IFT140: variants seen among roughly 807,000 people sequenced by gnomAD.
IFT140 encodes intraflagellar transport protein 140 homolog.
Under a neutral mutation model 164.6 loss-of-function variants are expected in IFT140, and 133 were observed. The observed-to-expected ratio is 0.81, with a 90% confidence interval of 0.70 to 0.93. The LOEUF is 0.93. Ranked by LOEUF, IFT140 falls within the 40% of genes least tolerant of loss-of-function variation. IFT140 has a pLI of 0.00. For synonymous variants in IFT140, 860 were observed against 817.3 expected, an observed-to-expected ratio of 1.05 and a Z score of -0.89; for missense variants, 2,045 against 1,972.3, an observed-to-expected ratio of 1.04 and a Z score of -0.70.
intron 30 of IFT140, among the ~76,000 whole-genome samples, chr16:1,512,109 C>T (rs1305560208): frequency 4.9e-5 from 6 of 122,238 alleles, no homozygotes; most frequent in Non-Finnish European, 6.8e-5. Flanking sequence ...GTGCGGAGGG[C>T]GGGTGAGGGG....
rs530698114 is a variant in IFT140 at position 1,551,356 on chromosome 16, G to A, written c.2399+6579C>T. Reference sequence around the variant, plus strand: ...AGCAGGAGGGGCCCCTCCTCCCCAGGGCCAGTCAAGCCGGGGACAGTGGCA... The same window carrying A: ...AGCAGGAGGGGCCCCTCCTCCCCAGAGCCAGTCAAGCCGGGGACAGTGGCA... On this transcript the variant is annotated intron_variant, in intron 19 of 30. Coordinates refer to ENST00000426508, the MANE Select transcript of IFT140 (RefSeq NM_014714.4). The surrounding 1 kb of genome is among the most constrained non-coding windows in gnomAD (Gnocchi z 4.0). Among the ~76,000 whole-genome samples, 80 of 152,120 alleles carry A rather than the reference G, an allele frequency of 5.3e-4. No homozygotes were observed. The highest frequency in any genetic ancestry group is 9.6e-4 in the Non-Finnish European group (65 of 68,014).
At chr16:1,568,705 G>C (rs567745852) in intron 14 of IFT140, among the ~76,000 whole-genome samples, 1 of 152,046 alleles carries the variant, frequency 6.6e-6, no homozygotes, top group East Asian at 1.9e-4. Flanking sequence ...AGTGAACCGA[G>C]ATCATGCCAC....
rs143047330 is a variant in IFT140 at position 1,555,343 on chromosome 16, C to T, written c.2399+2592G>A. On this transcript the variant is annotated intron_variant, in intron 19 of 30. Transcript: ENST00000426508. Reference sequence around the variant, plus strand: ...GGTGGCGCGAGGCTGCCCTGCGCTCCGCTTTGCTTTGGGATTAATTTATTC... The same window carrying T: ...GGTGGCGCGAGGCTGCCCTGCGCTCTGCTTTGCTTTGGGATTAATTTATTC... The T allele has an allele frequency of 4.7e-4, 153 of 322,172 alleles. 1 individual carries two copies. The highest frequency in any genetic ancestry group is 2.7e-3 in the African/African-American group (127 of 47,058). 20.0% of individuals were successfully genotyped at this position (322,172 alleles called of 1,614,324 possible). A position where few individuals can be genotyped will look rare whatever the true frequency, so the allele number is the denominator to read the frequency against.
chr16:1,530,358 CTT>C (rs1163772312), intron 19 of IFT140, among the ~76,000 whole-genome samples: 1 of 151,986 alleles, frequency 6.6e-6, no homozygotes, highest in Non-Finnish European at 1.5e-5. Flanking sequence ...GTCTCGATCT[CTT>C]GACCTTGTGA....
At chr16:1,534,125 C>T (rs1398889868) in intron 19 of IFT140, 1 of 971,670 alleles carries the variant, frequency 1.0e-6, no homozygotes, top group Non-Finnish European at 1.5e-6. Context: ...GGCGGCACAC[C>T]TGGACCATCC....
chr16:1,586,030 C>A (rs1400440045), intron 10 of IFT140, 100 bp downstream of exon 10: 1 of 1,456,852 alleles, frequency 6.9e-7, no homozygotes. Flanking sequence ...CTTGGCCTCC[C>A]AAAGTGCTGG....
rs2032649491 is a variant in IFT140, at chr16:1,551,685, A to C, written c.2399+6250T>G. 6.6e-6 allele frequency among the ~76,000 whole-genome samples: 1 copy of C among 152,138 alleles called. No homozygotes were observed. The highest frequency in any genetic ancestry group is 2.4e-5 in the African/African-American group (1 of 41,422). ...AACTTCAGGACATGCTTGTTCACGG[A>C]AGAGCCTAAGATCAGCGGCACTTCA... On this transcript the variant is annotated intron_variant, in intron 19 of 30. Transcript: ENST00000426508. The surrounding 1 kb of genome is among the most constrained non-coding windows in gnomAD (Gnocchi z 4.0).
At chr16:1,599,778 T>C (rs1596456481) in intron 4 of IFT140, among the ~76,000 whole-genome samples, 1 of 52,812 alleles carries the variant, frequency 1.9e-5, no homozygotes, top group Admixed American at 1.8e-4. Context: ...GGGAGGGAGG[T>C]GGGGGTGTCA....
Position 1,589,745 on chromosome 16 carries a change from T to A in IFT140, c.670A>T (p.Thr224Ser). The change falls in exon 7 of 31, where the codon ACT becomes TCT. Residue 224 changes from threonine (T) to serine (S), a missense_variant. Thr to Ser is a moderately conservative substitution (Grantham distance 58). Coordinates refer to ENST00000426508, the MANE Select transcript of IFT140 (RefSeq NM_014714.4). ...VHYVDEKGKT[T>S]QVVSADSTIQ... ...GTGCTGTCTGCGGACACCACCTGAG[T>A]GGTCTTGCCCTTCTCATCCACATAG... 1 of 1,614,126 alleles carries A rather than the reference T, an allele frequency of 6.2e-7. No individual in the cohort carries two copies. Among genetic ancestry groups the A allele is most frequent in the Non-Finnish European group, 8.5e-7 (1 of 1,180,008 alleles).
rs775756737 is a variant in IFT140, at chr16:1,602,357, C to T, written c.369+13G>A. On this transcript the variant is annotated intron_variant, in intron 4 of 30. Coordinates refer to ENST00000426508, the MANE Select transcript of IFT140 (RefSeq NM_014714.4). ...CAAGGTCTGAAAACAGCGTCTTGCG[C>T]GTGTTGACTCACCCTGTCCCCAGAC... The T allele has an allele frequency of 1.1e-5, 18 of 1,609,562 alleles. No individual in the cohort carries two copies. Among genetic ancestry groups the T allele is most frequent in the South Asian group, 5.5e-5 (5 of 90,916 alleles).
At chr16:1,525,468 C>T (rs2040660421) in intron 21 of IFT140, 142 bp from the exon 22 acceptor site, 1 of 689,654 alleles carries the variant, frequency 1.5e-6, no homozygotes, top group Non-Finnish European at 2.6e-6. Flanking sequence ...CTCTGCAGAC[C>T]CTGAGCACAC....
chr16:1,573,178 C>A (rs1455826470), intron 13 of IFT140, among the ~76,000 whole-genome samples: 1 of 152,160 alleles, frequency 6.6e-6, no homozygotes, highest in Non-Finnish European at 1.5e-5. Context: ...TTTGATGTAT[C>A]CAGTGGGAGC....
At chr16:1,566,757 T>C (rs1002475216) in intron 15 of IFT140, among the ~76,000 whole-genome samples, 2 of 152,040 alleles carry the variant, frequency 1.3e-5, no homozygotes, top group African/African-American at 2.4e-5. Context: ...ACCCTGTGCT[T>C]TCTCTCTCTT....
In IFT140 at chr16:1,553,302, GTGTCTC is replaced by G. The variant is rs989277047; in HGVS notation, c.2399+4627_2399+4632del. 9.2e-6 allele frequency: 9 copies of G among 983,444 alleles called. No individual in the cohort carries two copies. The African/African-American group carries it at 1.6e-4, about 17-fold the overall frequency. 60.9% of individuals were successfully genotyped at this position (983,444 alleles called of 1,614,324 possible). A position where few individuals can be genotyped will look rare whatever the true frequency, so the allele number is the denominator to read the frequency against. The stretch of plus-strand genomic sequence containing the variant: ...TCTCTGTGTCTCTGCCTGTCTCTCT[GTGTCTC>G]TGTCTCTGTGTCTCTGTCCCTGTGT... On this transcript the variant is annotated intron_variant, in intron 19 of 30. Transcript: ENST00000426508. This position sits in a 1 kb window ranked among gnomAD's most constrained non-coding sequence, Gnocchi z 4.4.
chr16:1,555,039 A>T, intron 19 of IFT140: 1 of 1,601,228 alleles, frequency 6.2e-7, no homozygotes, highest in Non-Finnish European at 8.5e-7. Context: ...CGCCCTTCTC[A>T]GCGCTCCATC....
chr16:1,527,499 G>A (rs560593371), intron 19 of IFT140, among the ~76,000 whole-genome samples: 22 of 152,212 alleles, frequency 1.4e-4, no homozygotes, highest in African/African-American at 4.8e-4. Context: ...TGTGTGTGAA[G>A]GAACAGGGTG....
At chr16:1,534,648 AG>A in intron 19 of IFT140, 1 of 1,556,484 alleles carries the variant, frequency 6.4e-7, no homozygotes, top group Admixed American at 1.7e-5. Context: ...GCGGGTGGGG[AG>A]GCCTGGCCCC....
At chr16:1,572,017 T>C (rs978668285) in intron 13 of IFT140, among the ~76,000 whole-genome samples, 1 of 152,148 alleles carries the variant, frequency 6.6e-6, no homozygotes, top group Non-Finnish European at 1.5e-5. Flanking sequence ...ATGGTTACCC[T>C]GGGTGAGGCG....
At chr16:1,559,199 C>T (rs1039461295) in intron 18 of IFT140, among the ~76,000 whole-genome samples, 14 of 152,172 alleles carry the variant, frequency 9.2e-5, no homozygotes, top group Admixed American at 7.9e-4. Context: ...TGTCAGAAAA[C>T]GTACACGCAC....
Sources: allele counts gnomAD v4.1 joint callset (sites outside exome capture counted in the v4.1 genomes callset), GRCh38; gene constraint gnomAD v4.1.1; non-coding constraint Gnocchi (gnomAD v3.1); transcripts MANE v1.5; gene names NCBI Gene and HGNC (gene_info 2026-07-23, HGNC 2026-07-21).